The following SOAT1 variants were observed in gnomAD, a reference collection of about 807,000 sequenced individuals.
SOAT1 encodes acyl-coenzyme A:cholesterol acyltransferase 1.
In SOAT1, 55 loss-of-function variants were observed where a neutral mutation model predicts 69.5. That is an observed-to-expected ratio of 0.79 (90% CI 0.64 to 0.99). SOAT1 has a LOEUF of 0.99. SOAT1 is among the 50% of genes least tolerant of loss of function. The pLI is 0.00. For synonymous variants in SOAT1, 231 were observed against 224.7 expected, an observed-to-expected ratio of 1.03 and a Z score of -0.25; for missense variants, 580 against 669.3, an observed-to-expected ratio of 0.87 and a Z score of 1.47.
In SOAT1 at chr1:179,342,042, A is replaced by G. The variant is rs1331967075; in HGVS notation, c.781-72A>G. On this transcript the variant is annotated intron_variant, in intron 7 of 15. Transcript: ENST00000367619. ...TGACTTTACTGGCTATCTATAATGC[A>G]TTTGACTAATGGAAAGGACACTTGC... 15 of 1,598,984 alleles carry G rather than the reference A, an allele frequency of 9.4e-6. No individual in the cohort carries two copies. The East Asian group carries it at 1.8e-4, about 19-fold the overall frequency.
chr1:179,293,799 T>G lies in SOAT1; in HGVS notation c.-146T>G, dbSNP rs1256015708. 6.6e-6 allele frequency: 1 copy of G among 152,474 alleles called. No individual in the cohort carries two copies. The highest frequency in any genetic ancestry group is 1.5e-5 in the Non-Finnish European group (1 of 68,270). The allele number at this position is 152,474 out of a possible 1,614,324, so 9.4% of individuals were successfully genotyped here. On this transcript the variant is annotated 5_prime_UTR_variant, in exon 1 of 16. Coordinates refer to ENST00000367619, the MANE Select transcript of SOAT1 (RefSeq NM_003101.6). Reference sequence around the variant, plus strand: ...GCGTAGGGGCCGGGCTGTCCGGCGCTTTAGCTTAGCAGGCGACGTTGCGGG... The same window carrying G: ...GCGTAGGGGCCGGGCTGTCCGGCGCGTTAGCTTAGCAGGCGACGTTGCGGG...
intron 13 of SOAT1, among the ~76,000 whole-genome samples, chr1:179,349,578 C>T (rs12746331): frequency 0.2 from 31,144 of 152,054 alleles, 3,351 homozygotes; most frequent in Non-Finnish European, 0.24. Context: ...CCGCCCGCCT[C>T]AGCCTCCCAA....
intron 1 of SOAT1, chr1:179,294,304 T>G (rs750689976): frequency 2.0e-5 from 3 of 152,084 alleles, no homozygotes; most frequent in Non-Finnish European, 4.4e-5. Flanking sequence ...AGAGAAAATG[T>G]GTGAAGGGAA....
At chr1:179,343,784 A>G in intron 10 of SOAT1, 149 bp downstream of exon 10, 1 of 615,204 alleles carries the variant, frequency 1.6e-6, no homozygotes, top group East Asian at 2.9e-5. Context: ...CAGTACGGTA[A>G]ATGGTGTTTG....
At chr1:179,340,133 G>T (rs1666284782) in intron 6 of SOAT1, among the ~76,000 whole-genome samples, 1 of 152,100 alleles carries the variant, frequency 6.6e-6, no homozygotes, top group South Asian at 2.1e-4. Flanking sequence ...TATTTAAGAT[G>T]GTTACTTAAA....
chr1:179,298,191 C>G (rs1008308256), intron 1 of SOAT1, among the ~76,000 whole-genome samples: 1 of 151,796 alleles, frequency 6.6e-6, no homozygotes, highest in Non-Finnish European at 1.5e-5. Context: ...TCAAGCGATT[C>G]TTCTGCCTCA....
intron 2 of SOAT1, among the ~76,000 whole-genome samples, chr1:179,319,436 A>C (rs1665517420): frequency 6.6e-6 from 1 of 151,198 alleles, no homozygotes; most frequent in Non-Finnish European, 1.5e-5. Context: ...ATGCCTGGCT[A>C]ATTTTGTATT....
chr1:179,298,196 G>A (rs1406213733), intron 1 of SOAT1, among the ~76,000 whole-genome samples: 2 of 151,690 alleles, frequency 1.3e-5, no homozygotes, highest in African/African-American at 4.8e-5. Flanking sequence ...CGATTCTTCT[G>A]CCTCAGCCTC....
chr1:179,300,067 T>G (rs1664785014), intron 1 of SOAT1, among the ~76,000 whole-genome samples: 1 of 151,956 alleles, frequency 6.6e-6, no homozygotes, highest in African/African-American at 2.4e-5. Flanking sequence ...GGCTTCATTT[T>G]GCTGTCTTTT....
intron 10 of SOAT1, among the ~76,000 whole-genome samples, chr1:179,344,641 T>C (rs1276734068): frequency 6.6e-6 from 1 of 152,104 alleles, no homozygotes; most frequent in Non-Finnish European, 1.5e-5. Context: ...CCCAAAGTGC[T>C]GGGATTACAA....
At chr1:179,327,197 A>G (rs564796810) in intron 3 of SOAT1, among the ~76,000 whole-genome samples, 2 of 152,346 alleles carry the variant, frequency 1.3e-5, no homozygotes, top group Admixed American at 6.5e-5. Flanking sequence ...GATGATAGGT[A>G]TGTGAACATT....
chr1:179,310,065 A>G (rs1371349164), intron 2 of SOAT1, among the ~76,000 whole-genome samples: 2 of 151,578 alleles, frequency 1.3e-5, no homozygotes, highest in Admixed American at 6.6e-5. Context: ...ATGTCCTGCT[A>G]ATTTTTGTAT....
chr1:179,298,742 T>C lies in SOAT1; in HGVS notation c.-8-3935T>C, dbSNP rs1178467780. On this transcript the variant is annotated intron_variant, in intron 1 of 15. Transcript: ENST00000367619. ...GAACACAGACTATTTTACAATAAAGTGTTCATTATCTCATGTAATTTATTG... is the reference window on the plus strand; with the variant it reads ...GAACACAGACTATTTTACAATAAAGCGTTCATTATCTCATGTAATTTATTG... 3.9e-5 allele frequency among the ~76,000 whole-genome samples: 6 copies of C among 152,206 alleles called. No individual in the cohort carries two copies. The East Asian group carries it at 9.6e-4, about 24-fold the overall frequency.
Position 179,342,141 on chromosome 1 carries a change from T to C in SOAT1, c.808T>C (p.Phe270Leu). The C allele has an allele frequency of 6.2e-7, 1 of 1,613,738 alleles. No individual in the cohort carries two copies. The highest frequency in any genetic ancestry group is 8.5e-7 in the Non-Finnish European group (1 of 1,179,744). Residue 270 changes from phenylalanine to leucine, a missense_variant, in exon 8 of 16, where the codon TTT becomes CTT. Coordinates refer to ENST00000367619, the MANE Select transcript of SOAT1 (RefSeq NM_003101.6). ...QIRFVMKAHS[F>L]VRENVPRVLN... is the part of the protein sequence containing the mutation. The stretch of plus-strand genomic sequence containing the variant: ...TCGTTTTGTAATGAAGGCCCACTCA[T>C]TTGTCAGAGAGAACGTGCCTCGGGT...
chr1:179,305,870 A>G (rs1664984195), intron 2 of SOAT1, among the ~76,000 whole-genome samples: 1 of 139,322 alleles, frequency 7.2e-6, no homozygotes, highest in Non-Finnish European at 1.6e-5. Flanking sequence ...GGTGTGCATA[A>G]GATACCCAAA....
At chr1:179,307,031 C>T (rs1401794863) in intron 2 of SOAT1, among the ~76,000 whole-genome samples, 4 of 152,096 alleles carry the variant, frequency 2.6e-5, no homozygotes, top group South Asian at 4.1e-4. Context: ...AAATGAAAGA[C>T]GACTATGTTT....
At position 179,353,699 on chromosome 1, in the gene SOAT1, GCCAGCTGTTT is replaced by G. The variant is rs1422541093; in HGVS notation, c.*63_*72del. ...AGATTGGGTAGCTCCCTGATTTGGA[GCCAGCTGTTT>G]CCAGTTGTTACTGAAGTTATCTGTG... On this transcript the variant is annotated 3_prime_UTR_variant, in exon 16 of 16. Transcript: ENST00000367619. 7.1e-7 allele frequency: 1 copy of G among 1,408,206 alleles called. No individual in the cohort carries two copies. Among genetic ancestry groups the G allele is most frequent in the Non-Finnish European group, 1.0e-6 (1 of 995,186 alleles). The allele number at this position is 1,408,206 out of a possible 1,614,324, so 87.2% of individuals were successfully genotyped here.
intron 12 of SOAT1, among the ~76,000 whole-genome samples, chr1:179,347,954 T>A (rs1184648208): frequency 6.6e-6 from 1 of 152,232 alleles, no homozygotes; most frequent in Non-Finnish European, 1.5e-5. Context: ...AAGGATATAT[T>A]GGTGATTCCA....
Position 179,353,928 on chromosome 1 carries a change from C to G in SOAT1, c.*287C>G, listed in dbSNP as rs184980826. 1 of 353,878 alleles carries G rather than the reference C, an allele frequency of 2.8e-6. No individual in the cohort carries two copies. The highest frequency in any genetic ancestry group is 6.1e-5 in the East Asian group (1 of 16,410). 21.9% of individuals were successfully genotyped at this position (353,878 alleles called of 1,614,324 possible). ...TGTTGCTGGGTCATATCAGCTTTAT[C>G]CCTTGGTAATTATATCTGTTTTGTT... On this transcript the variant is annotated 3_prime_UTR_variant, in exon 16 of 16. Coordinates refer to ENST00000367619, the MANE Select transcript of SOAT1 (RefSeq NM_003101.6).
Sources: gnomAD v4.1 joint callset for allele counts (sites outside exome capture counted in the v4.1 genomes callset) on GRCh38, gnomAD v4.1.1 for gene constraint, MANE v1.5 for transcripts, NCBI Gene and HGNC (gene_info 2026-07-23, HGNC 2026-07-21) for gene names.